SLC12A6: variants seen among roughly 807,000 people sequenced by gnomAD.
SLC12A6 encodes K-Cl cotransporter 3.
Under a neutral mutation model 135.3 loss-of-function variants are expected in SLC12A6, and 66 were observed. The observed-to-expected ratio is 0.49, with a 90% CI of 0.40 to 0.60. SLC12A6 has a LOEUF of 0.60. Ranked by LOEUF, SLC12A6 falls within the 20% of genes least tolerant of loss-of-function variation. The probability of loss-of-function intolerance (pLI) is 0.00; values close to 1 mark genes in which losing one functional copy is unlikely to be tolerated. For synonymous variants in SLC12A6, 513 were observed against 508.8 expected, an observed-to-expected ratio of 1.01 and a Z score of -0.11; for missense variants, 1,058 against 1,452.3, an observed-to-expected ratio of 0.73 and a Z score of 4.41.
At chr15:34,333,679 T>A (rs1360054717) in intron 2 of SLC12A6, among the ~76,000 whole-genome samples, 1 of 152,174 alleles carries the variant, frequency 6.6e-6, no homozygotes, top group Non-Finnish European at 1.5e-5. Context: ...AAATGGAGCC[T>A]TGCCAAAATG....
At chr15:34,247,584 C>A (rs1892083251) in intron 13 of SLC12A6, among the ~76,000 whole-genome samples, 1 of 152,012 alleles carries the variant, frequency 6.6e-6, no homozygotes, top group African/African-American at 2.4e-5. Context: ...ACAAATCCAA[C>A]ACCCATGCTG....
chr15:34,284,771 A>G (rs1170823233), intron 2 of SLC12A6, among the ~76,000 whole-genome samples: 1 of 152,192 alleles, frequency 6.6e-6, no homozygotes, highest in African/African-American at 2.4e-5. Context: ...CAAACAAAAA[A>G]GCTGAGTAAA....
intron 3 of SLC12A6, among the ~76,000 whole-genome samples, chr15:34,269,047 G>A (rs1392359739): frequency 1.3e-5 from 2 of 151,890 alleles, no homozygotes; most frequent in Non-Finnish European, 2.9e-5. Context: ...TAGTAGACAT[G>A]GGGTTTTGCC....
At chr15:34,240,356 C>T (rs947690806) in intron 19 of SLC12A6, among the ~76,000 whole-genome samples, 2 of 152,090 alleles carry the variant, frequency 1.3e-5, no homozygotes, top group African/African-American at 4.8e-5. Context: ...CTCCATAGTT[C>T]AAGGGATCAA....
intron 13 of SLC12A6, 103 bp downstream of exon 13, chr15:34,250,195 G>T: frequency 1.2e-6 from 1 of 809,864 alleles, no homozygotes; most frequent in Non-Finnish European, 2.2e-6. Context: ...ATGAGCCACG[G>T]TGCCTGGCTG....
At chr15:34,292,459 G>T (rs1368708979) in intron 2 of SLC12A6, among the ~76,000 whole-genome samples, 5 of 152,214 alleles carry the variant, frequency 3.3e-5, no homozygotes, top group Non-Finnish European at 5.9e-5. Flanking sequence ...GGAACCACTT[G>T]AGGAGGCAGT....
At chr15:34,329,382 C>T (rs996174108) in intron 2 of SLC12A6, among the ~76,000 whole-genome samples, 16 of 152,198 alleles carry the variant, frequency 1.1e-4, no homozygotes, top group African/African-American at 3.9e-4. Context: ...TTGCCTTAAA[C>T]ATCAGCATTA....
At chr15:34,334,794 G>A (rs1035168159) in intron 2 of SLC12A6, among the ~76,000 whole-genome samples, 1 of 152,076 alleles carries the variant, frequency 6.6e-6, no homozygotes, top group Non-Finnish European at 1.5e-5. Context: ...TTTTACCCCT[G>A]TAGTCCCATT....
chr15:34,298,932 A>G (rs1896061451), intron 2 of SLC12A6, among the ~76,000 whole-genome samples: 1 of 152,198 alleles, frequency 6.6e-6, no homozygotes, highest in African/African-American at 2.4e-5. Context: ...AATAATCCTA[A>G]AATTCTGCCT....
intron 2 of SLC12A6, among the ~76,000 whole-genome samples, chr15:34,286,157 G>A (rs1191652399): frequency 6.6e-6 from 1 of 151,470 alleles, no homozygotes; most frequent in East Asian, 2.0e-4. Flanking sequence ...CCCTGCAACC[G>A]CCGCCTCCCG....
chr15:34,308,648 AAAAAC>A lies in SLC12A6; in HGVS notation c.271+27757_271+27761del, dbSNP rs1408524209. Among the ~76,000 whole-genome samples the A allele has an allele frequency of 2.2e-3, 327 of 151,116 alleles. 2 individuals are homozygous for A. The highest frequency in any genetic ancestry group is 7.7e-3 in the African/African-American group (316 of 40,934). On this transcript the variant is annotated intron_variant, in intron 2 of 25. Transcript: ENST00000354181. ...CACCTGACAAAAAAAAAAAAAAAAA[AAAAAC>A]AAACCAGATTGTTGGATTAAGTCAA...
chr15:34,230,066 T>C lies in SLC12A6; in HGVS notation c.*3815A>G. On this transcript the variant is annotated 3_prime_UTR_variant, in exon 26 of 26. Transcript: ENST00000354181. ...AAACAACAACAAAAAAACATAACTATGTAAACAAGAGAATAACTGCTGCTA... is the reference window on the plus strand; with the variant it reads ...AAACAACAACAAAAAAACATAACTACGTAAACAAGAGAATAACTGCTGCTA... 1 of 431,482 alleles carries C rather than the reference T, an allele frequency of 2.3e-6. No homozygotes were observed. The allele number at this position is 431,482 out of a possible 1,614,324, so 26.7% of individuals were successfully genotyped here. A position where few individuals can be genotyped will look rare whatever the true frequency, so the allele number is the denominator to read the frequency against.
intron 25 of SLC12A6, among the ~76,000 whole-genome samples, chr15:34,234,395 C>T (rs1891117148): frequency 6.6e-6 from 1 of 151,434 alleles, no homozygotes; most frequent in Non-Finnish European, 1.5e-5. Context: ...TTTTTTGAGA[C>T]AGAATTTCCT....
At chr15:34,329,590 A>C (rs942176773) in intron 2 of SLC12A6, among the ~76,000 whole-genome samples, 3 of 152,206 alleles carry the variant, frequency 2.0e-5, no homozygotes, top group African/African-American at 7.2e-5. Flanking sequence ...CTTAGTGAGG[A>C]CACAGAAGAG....
intron 4 of SLC12A6, 59 bp downstream of exon 4, chr15:34,260,867 G>A (rs1893071343): frequency 1.3e-6 from 1 of 799,864 alleles, no homozygotes; most frequent in Non-Finnish European, 2.3e-6. Flanking sequence ...GGTAAAATAT[G>A]GCTATCATGA....
rs948442917 is a variant in SLC12A6, at chr15:34,241,403, G to T, written c.2163-66C>A. Reference sequence around the variant, plus strand: ...AGTAAGTATAATTTTAAAAAATAAAGTTTTTTTCTGAATCTAAAAATCACA... The same window carrying T: ...AGTAAGTATAATTTTAAAAAATAAATTTTTTTTCTGAATCTAAAAATCACA... On this transcript the variant is annotated intron_variant, in intron 17 of 25. Transcript: ENST00000354181. The T allele has an allele frequency of 1.6e-5, 14 of 854,338 alleles. No individual in the cohort carries two copies. In the African/African-American group the frequency reaches 2.2e-4, roughly 13 times the overall value. 52.9% of individuals were successfully genotyped at this position (854,338 alleles called of 1,614,324 possible).
chr15:34,260,902 C>T (rs1211676547), intron 4 of SLC12A6, 24 bp downstream of exon 4: 2 of 962,294 alleles, frequency 2.1e-6, no homozygotes, highest in Admixed American at 1.7e-5. Flanking sequence ...AAGTCTCAGT[C>T]CATAGTTTTC....
intron 2 of SLC12A6, chr15:34,318,749 T>A (rs1342524823): frequency 6.2e-7 from 1 of 1,605,064 alleles, no homozygotes; most frequent in African/African-American, 1.3e-5. Flanking sequence ...CCTGCCTACC[T>A]CTTCCTTGCT....
intron 2 of SLC12A6, among the ~76,000 whole-genome samples, chr15:34,334,143 A>AT (rs1235064263): frequency 1.3e-5 from 2 of 152,108 alleles, no homozygotes; most frequent in Admixed American, 6.6e-5. Flanking sequence ...TAGAAGACAT[A>AT]TGACAAGAAA....
Sources: allele counts gnomAD v4.1 joint callset (sites outside exome capture counted in the v4.1 genomes callset), GRCh38; gene constraint gnomAD v4.1.1; transcripts MANE v1.5; gene names NCBI Gene and HGNC (gene_info 2026-07-23, HGNC 2026-07-21).